KSR1: variants seen among roughly 807,000 people sequenced by gnomAD.
KSR1 encodes kinase suppressor of ras 1.
Under a neutral mutation model 92.9 loss-of-function variants are expected in KSR1, and 35 were observed. That is an observed-to-expected ratio of 0.38 (90% CI 0.29 to 0.50). The LOEUF (loss-of-function observed/expected upper bound fraction) is 0.50. Among genes scored for constraint, KSR1 ranks in the 20% least tolerant of loss-of-function variants. KSR1 has a pLI of 0.94. For synonymous variants in KSR1, 467 were observed against 472.6 expected, an observed-to-expected ratio of 0.99 and a Z score of 0.15; for missense variants, 972 against 1,158.5, an observed-to-expected ratio of 0.84 and a Z score of 2.34.
intron 1 of KSR1, among the ~76,000 whole-genome samples, chr17:27,474,589 A>G (rs2068282290): frequency 6.6e-6 from 1 of 152,246 alleles, no homozygotes; most frequent in South Asian, 2.1e-4. Flanking sequence ...ATAGTAAGTA[A>G]GATGAGCCAT....
rs186363431 is a variant in KSR1, at chr17:27,494,486, T to C, written c.231+37612T>C. Among the ~76,000 whole-genome samples the C allele has an allele frequency of 2.5e-3, 383 of 152,236 alleles. 3 individuals carry two copies. The highest frequency in any genetic ancestry group is 8.9e-3 in the African/African-American group (369 of 41,528). ...TTAAAGAGCCAGTGAAAGGGGCAGA[T>C]TTACCCAGGGTCACGTGCCTGGTCA... On this transcript the variant is annotated intron_variant, in intron 1 of 20. Transcript: ENST00000644974.
intron 1 of KSR1, among the ~76,000 whole-genome samples, chr17:27,461,066 G>T (rs532832126): frequency 2.0e-5 from 3 of 152,118 alleles, no homozygotes; most frequent in East Asian, 3.9e-4. Flanking sequence ...TTTTTGTTTT[G>T]TTTTGTTTTT....
chr17:27,590,534 C>T lies in KSR1; in HGVS notation c.1047-277C>T, dbSNP rs114623934. Among the ~76,000 whole-genome samples, 683 of 152,288 alleles carry T rather than the reference C, an allele frequency of 4.5e-3. 4 individuals carry two copies. The highest frequency in any genetic ancestry group is 0.016 in the African/African-American group (655 of 41,544). On this transcript the variant is annotated intron_variant, in intron 6 of 20. Coordinates refer to ENST00000644974, the MANE Select transcript of KSR1 (RefSeq NM_001394583.1). ...AAGAACTGTGGGGTCAAAGGGTATGCGCACTTGTACTCTTGATTGCTGCTG... is the reference window on the plus strand; with the variant it reads ...AAGAACTGTGGGGTCAAAGGGTATGTGCACTTGTACTCTTGATTGCTGCTG...
rs557126279 is a variant in KSR1 at position 27,626,021 on chromosome 17, C to T, written c.*2629C>T. On this transcript the variant is annotated 3_prime_UTR_variant, in exon 21 of 21. Coordinates refer to ENST00000644974, the MANE Select transcript of KSR1 (RefSeq NM_001394583.1). ...GTCACCAAATCAAAACACCCTCTGT[C>T]ATCCTACGGCATTTCCTCTTGAGGT... 5.9e-5 allele frequency: 9 copies of T among 152,378 alleles called. No homozygotes were observed. Among genetic ancestry groups the T allele is most frequent in the East Asian group, 1.9e-4 (1 of 5,190 alleles). The allele number at this position is 152,378 out of a possible 1,614,324, so 9.4% of individuals were successfully genotyped here. A position where few individuals can be genotyped will look rare whatever the true frequency, so the allele number is the denominator to read the frequency against.
chr17:27,516,638 TA>T (rs1464255696), intron 1 of KSR1, among the ~76,000 whole-genome samples: 2 of 152,186 alleles, frequency 1.3e-5, no homozygotes, highest in African/African-American at 4.8e-5. Context: ...GAAACACTCT[TA>T]AAAATGTATA....
intron 1 of KSR1, among the ~76,000 whole-genome samples, chr17:27,464,149 G>T (rs2019571326): frequency 6.6e-6 from 1 of 152,168 alleles, no homozygotes; most frequent in Non-Finnish European, 1.5e-5. Flanking sequence ...GTGGGGTGTT[G>T]ACCTCAAGGG....
chr17:27,610,427 A>G (rs1402022205), intron 17 of KSR1, among the ~76,000 whole-genome samples: 1 of 152,212 alleles, frequency 6.6e-6, no homozygotes, highest in East Asian at 1.9e-4. Flanking sequence ...AGCTCCTCCC[A>G]ACAAGGTCAT....
chr17:27,464,940 TAAAAA>T (rs111417449), intron 1 of KSR1, among the ~76,000 whole-genome samples: 26 of 133,938 alleles, frequency 1.9e-4, no homozygotes, highest in African/African-American at 4.2e-4. Flanking sequence ...CTGATGAGCT[TAAAAA>T]AAAAAAAAAA....
At chr17:27,480,119 T>C (rs2068467719) in intron 1 of KSR1, among the ~76,000 whole-genome samples, 1 of 152,186 alleles carries the variant, frequency 6.6e-6, no homozygotes, top group Non-Finnish European at 1.5e-5. Context: ...AGTCCCTAGC[T>C]TCTGTCCTTC....
chr17:27,536,059 G>A (rs1212211062), intron 1 of KSR1, among the ~76,000 whole-genome samples: 1 of 152,220 alleles, frequency 6.6e-6, no homozygotes, highest in East Asian at 1.9e-4. Context: ...GGTACTGTTG[G>A]AGCAGCGGCT....
At chr17:27,546,981 G>T (rs962918414) in intron 1 of KSR1, among the ~76,000 whole-genome samples, 7 of 152,130 alleles carry the variant, frequency 4.6e-5, no homozygotes, top group Admixed American at 3.3e-4. Context: ...AATGTCAGGG[G>T]ATCAGCCTCT....
At chr17:27,604,154 G>C (rs1021832790) in intron 12 of KSR1, among the ~76,000 whole-genome samples, 32 of 152,332 alleles carry the variant, frequency 2.1e-4, no homozygotes, top group Admixed American at 1.8e-3. Context: ...TTTGGAGTTA[G>C]AGAAGCCTAA....
chr17:27,617,292 CAGG>C lies in KSR1; in HGVS notation c.2494_2496del (p.Glu832del). ...ACACCACTAATGGCAGCTCCATTTG[CAGG>C]AGATCCTGTCGGCCTGCTGGGCTTT... On this transcript the variant is annotated splice_acceptor_variant and coding_sequence_variant, in exon 19 of 21. Transcript: ENST00000644974. LOFTEE classifies it high-confidence loss of function. 6.2e-7 allele frequency: 1 copy of C among 1,604,218 alleles called. No homozygotes were observed.
intron 1 of KSR1, among the ~76,000 whole-genome samples, chr17:27,485,932 C>T (rs1353811899): frequency 6.6e-6 from 1 of 152,180 alleles, no homozygotes; most frequent in Non-Finnish European, 1.5e-5. Context: ...AGCTACAGAG[C>T]TGCTATATCT....
intron 20 of KSR1, chr17:27,622,043 T>C: frequency 1.0e-6 from 1 of 965,374 alleles, no homozygotes; most frequent in Non-Finnish European, 1.7e-6. Flanking sequence ...ACCCAGGGGA[T>C]GCCACCTCTG....
intron 1 of KSR1, among the ~76,000 whole-genome samples, chr17:27,536,207 TC>T (rs1479014323): frequency 6.6e-6 from 1 of 152,098 alleles, no homozygotes; most frequent in African/African-American, 2.4e-5. Flanking sequence ...GAAGGGCCCC[TC>T]CCCGAGAAGC....
chr17:27,585,916 G>A (rs1222654633), intron 5 of KSR1: 3 of 547,716 alleles, frequency 5.5e-6, no homozygotes, highest in Admixed American at 6.3e-5. Context: ...CCCACAGGCA[G>A]CCCCATGAAG....
At chr17:27,516,764 T>A (rs1236870418) in intron 1 of KSR1, among the ~76,000 whole-genome samples, 2 of 152,202 alleles carry the variant, frequency 1.3e-5, no homozygotes, top group Non-Finnish European at 2.9e-5. Flanking sequence ...CTGAGCCAAA[T>A]GTGAAGACCA....
At chr17:27,609,800 G>T (rs534125477) in intron 16 of KSR1, 8 of 400,004 alleles carry the variant, frequency 2.0e-5, no homozygotes, top group Middle Eastern at 7.0e-4. Flanking sequence ...CCAGCAGAGG[G>T]AGCTGGGCAC....
Sources: gnomAD v4.1 joint callset for allele counts (sites outside exome capture counted in the v4.1 genomes callset) on GRCh38, gnomAD v4.1.1 for gene constraint, MANE v1.5 for transcripts, NCBI Gene and HGNC (gene_info 2026-07-23, HGNC 2026-07-21) for gene names.